The following CLUL1 variants were observed in gnomAD, a reference collection of about 807,000 sequenced individuals.
CLUL1 encodes the protein clusterin-like protein 1.
A neutral mutation model predicts 49.4 loss-of-function variants in CLUL1; 43 were observed. The observed-to-expected ratio is 0.87, with a 90% CI of 0.68 to 1.12. The LOEUF (loss-of-function observed/expected upper bound fraction) is 1.12, where lower values mean the gene tolerates loss of function less well. Among genes scored for constraint, CLUL1 ranks in the 50% most tolerant of loss-of-function variants. The pLI is 0.00. For synonymous variants in CLUL1, 192 were observed against 184.9 expected (o/e 1.04, Z -0.31); for missense variants, 486 against 544.4 (o/e 0.89, Z 1.07).
At chr18:604,883 C>T (rs142890019) in intron 1 of CLUL1, among the ~76,000 whole-genome samples, 16 of 152,308 alleles carry the variant, frequency 1.1e-4, no homozygotes, top group Non-Finnish European at 1.5e-4. Flanking sequence ...GTTCCCTGTT[C>T]GTATAAGGCA....
chr18:625,471 C>G (rs1345367066), intron 5 of CLUL1, among the ~76,000 whole-genome samples: 1 of 151,926 alleles, frequency 6.6e-6, no homozygotes, highest in Non-Finnish European at 1.5e-5. Flanking sequence ...TAAAGATACT[C>G]TCTGCCTCCC....
rs956249785 is a variant in CLUL1, at chr18:597,024, G to T, written c.-241G>T. On this transcript the variant is annotated 5_prime_UTR_variant, in exon 1 of 10. Coordinates refer to ENST00000692774, the MANE Select transcript of CLUL1 (RefSeq NM_001393344.1). ...CCTGCAGGCCCGGGCCGCGGGGTTG[G>T]TTTCCACCCTGGAGGTTGCTGACAC... The T allele has an allele frequency of 6.6e-6, 1 of 152,558 alleles. No homozygotes were observed. The highest frequency in any genetic ancestry group is 1.5e-5 in the Non-Finnish European group (1 of 68,096). The allele number at this position is 152,558 out of a possible 1,614,324, so 9.5% of individuals were successfully genotyped here.
At chr18:607,715 ACTGTGCCCAGT>A (rs1427293781) in intron 2 of CLUL1, among the ~76,000 whole-genome samples, 4 of 152,072 alleles carry the variant, frequency 2.6e-5, no homozygotes, top group South Asian at 2.1e-4. Context: ...GGAGTGAACT[ACTGTGCCCAGT>A]CTTTTTAAAA....
rs115871767 is a variant in CLUL1, at chr18:603,760, C to T, written c.-135-3218C>T. On this transcript the variant is annotated intron_variant, in intron 1 of 9. Coordinates refer to ENST00000692774, the MANE Select transcript of CLUL1 (RefSeq NM_001393344.1). ...ATTAGCAGAAGATTTTCTGGTGTTA[C>T]CTCCTTATAGCCACACGCATTCCTC... Among the ~76,000 whole-genome samples the T allele has an allele frequency of 7.7e-3, 1,177 of 152,280 alleles. 16 individuals carry two copies. Among genetic ancestry groups the T allele is most frequent in the African/African-American group, 0.027 (1,125 of 41,542 alleles).
chr18:617,743 A>T (rs1379682828), intron 2 of CLUL1, among the ~76,000 whole-genome samples: 4 of 150,952 alleles, frequency 2.6e-5, no homozygotes, highest in African/African-American at 9.7e-5. Context: ...AGTTTCAAGT[A>T]CTTCACATGG....
intron 4 of CLUL1, among the ~76,000 whole-genome samples, chr18:623,827 A>T (rs138440887): frequency 6.6e-6 from 1 of 152,190 alleles, no homozygotes; most frequent in Admixed American, 6.5e-5. Context: ...CAATGAGGAC[A>T]ACTGACAAAT....
chr18:614,337 A>AGGG, intron 2 of CLUL1, among the ~76,000 whole-genome samples: 1 of 150,432 alleles, frequency 6.6e-6, no homozygotes, highest in Non-Finnish European at 1.5e-5. Flanking sequence ...GAAGGGAGGG[A>AGGG]AGGAAGGAAG....
At chr18:649,624 G>C (rs2074618906) in intron 9 of CLUL1, 3 of 339,062 alleles carry the variant, frequency 8.8e-6, no homozygotes, top group African/African-American at 6.3e-5. Context: ...TGCATGTAGA[G>C]TTCAGAATAA....
At chr18:639,526 G>T (rs1388502182) in intron 7 of CLUL1, among the ~76,000 whole-genome samples, 1 of 151,708 alleles carries the variant, frequency 6.6e-6, no homozygotes, top group African/African-American at 2.4e-5. Context: ...AGCACTTTGG[G>T]AGGCCAAGGC....
chr18:626,738 G>A (rs1245444838), intron 5 of CLUL1, among the ~76,000 whole-genome samples: 2 of 150,030 alleles, frequency 1.3e-5, no homozygotes, highest in Non-Finnish European at 3.0e-5. Flanking sequence ...GTGTGCAACT[G>A]TAATCCCAGC....
At chr18:636,974 G>T (rs143613500) in intron 7 of CLUL1, among the ~76,000 whole-genome samples, 5,218 of 121,316 alleles carry the variant, frequency 0.043, 295 homozygotes, top group African/African-American at 0.17. Flanking sequence ...TGTTTTTTTT[G>T]TTTTGTTTTG....
At chr18:639,780 A>C (rs1158216835) in intron 7 of CLUL1, among the ~76,000 whole-genome samples, 1 of 152,080 alleles carries the variant, frequency 6.6e-6, no homozygotes, top group Non-Finnish European at 1.5e-5. Flanking sequence ...AACAAACAAA[A>C]AAAACAAAGA....
intron 1 of CLUL1, among the ~76,000 whole-genome samples, chr18:601,560 C>T (rs1460459099): frequency 2.6e-5 from 4 of 151,844 alleles, no homozygotes; most frequent in African/African-American, 7.3e-5. Flanking sequence ...GGCAGGAGAA[C>T]TGCTTGAACC....
chr18:649,925 C>A lies in CLUL1; in HGVS notation c.*24C>A. The A allele has an allele frequency of 2.2e-6, 3 of 1,374,420 alleles. No homozygotes were observed. Among genetic ancestry groups the A allele is most frequent in the South Asian group, 1.3e-5 (1 of 79,166 alleles). 85.1% of individuals were successfully genotyped at this position (1,374,420 alleles called of 1,614,324 possible). On this transcript the variant is annotated 3_prime_UTR_variant, in exon 10 of 10. Transcript: ENST00000692774. ...AAGAAGATCTAATGCATCCTATATC[C>A]AGTAAGTAGAATTATCTCTTCATCT... is the stretch of plus-strand genomic sequence containing the variant.
chr18:642,104 GAATT>G (rs977949011), intron 8 of CLUL1, among the ~76,000 whole-genome samples: 2 of 152,164 alleles, frequency 1.3e-5, no homozygotes, highest in Non-Finnish European at 2.9e-5. Flanking sequence ...GTTATCTTGA[GAATT>G]AAACATTTAT....
intron 4 of CLUL1, among the ~76,000 whole-genome samples, chr18:620,711 T>C (rs2073466817): frequency 6.6e-6 from 1 of 152,198 alleles, no homozygotes; most frequent in Non-Finnish European, 1.5e-5. Context: ...ATTTTATCAA[T>C]GGAGAATACA....
At chr18:629,923 G>A (rs2073940425) in intron 6 of CLUL1, among the ~76,000 whole-genome samples, 1 of 152,116 alleles carries the variant, frequency 6.6e-6, no homozygotes, top group Admixed American at 6.5e-5. Context: ...TGAGGAATAA[G>A]CCTACTGCCC....
intron 6 of CLUL1, among the ~76,000 whole-genome samples, chr18:629,550 C>G (rs1317303136): frequency 6.6e-6 from 1 of 152,212 alleles, no homozygotes; most frequent in African/African-American, 2.4e-5. Flanking sequence ...TTTCCACTGT[C>G]TGCCACCATT....
chr18:605,366 G>A (rs2072941856), intron 1 of CLUL1, among the ~76,000 whole-genome samples: 2 of 152,140 alleles, frequency 1.3e-5, no homozygotes, highest in South Asian at 2.1e-4. Flanking sequence ...GGTGGCTCAC[G>A]CCTGTAATCT....
Sources: gnomAD v4.1 joint callset for allele counts (sites outside exome capture counted in the v4.1 genomes callset) on GRCh38, gnomAD v4.1.1 for gene constraint, MANE v1.5 for transcripts, NCBI Gene and HGNC (gene_info 2026-07-23, HGNC 2026-07-21) for gene names.